Variants in GALNT13 observed in about 807,000 individuals in gnomAD.
GALNT13 encodes the protein UDP-GalNAc:polypeptide N-acetylgalactosaminyltransferase 13.
A neutral mutation model predicts 64.2 loss-of-function variants in GALNT13; 28 were observed. The observed-to-expected ratio is 0.44, with a 90% CI of 0.32 to 0.60. GALNT13 has a LOEUF of 0.60. Ranked by LOEUF, GALNT13 falls within the 20% of genes least tolerant of loss-of-function variation. The pLI, the probability that GALNT13 is intolerant of heterozygous loss-of-function variation, is 0.05. For synonymous variants in GALNT13, 214 were observed against 224.6 expected (o/e 0.95, Z 0.42); for missense variants, 577 against 669.8 (o/e 0.86, Z 1.53).
intron 4 of GALNT13, among the ~76,000 whole-genome samples, chr2:154,150,005 C>T (rs183810442): frequency 2.3e-3 from 345 of 152,168 alleles, no homozygotes; most frequent in South Asian, 5.6e-3. Context: ...TGTCTTGTGC[C>T]CGTTTTCAAA....
At chr2:153,943,396 T>G (rs936607238) in intron 2 of GALNT13, among the ~76,000 whole-genome samples, 1 of 152,228 alleles carries the variant, frequency 6.6e-6, no homozygotes, top group Non-Finnish European at 1.5e-5. Flanking sequence ...TTTTAGAGGC[T>G]GTGTAATTAT....
the GALNT13 span, among the ~76,000 whole-genome samples, chr2:153,387,742 C>A: frequency 6.6e-6 from 1 of 151,946 alleles, no homozygotes; most frequent in Non-Finnish European, 1.5e-5. Context: ...CTTTAAATTT[C>A]AATTATTCCC....
intron 9 of GALNT13, among the ~76,000 whole-genome samples, chr2:154,316,313 A>G (rs927376895): frequency 6.6e-6 from 1 of 152,196 alleles, no homozygotes; most frequent in Non-Finnish European, 1.5e-5. Context: ...TAACAAAAAC[A>G]GAGCAATACA....
chr2:153,353,964 T>A, the GALNT13 span, among the ~76,000 whole-genome samples: 4 of 152,182 alleles, frequency 2.6e-5, no homozygotes, highest in Non-Finnish European at 4.4e-5. Context: ...GAAAATGTAG[T>A]AGAAAATTGG....
the GALNT13 span, among the ~76,000 whole-genome samples, chr2:153,095,702 C>T: frequency 8.5e-5 from 13 of 152,094 alleles, no homozygotes; most frequent in African/African-American, 3.1e-4. Context: ...GAATACTATG[C>T]AGCCATTAAA....
At chr2:154,021,163 A>C (rs1057183789) in intron 3 of GALNT13, among the ~76,000 whole-genome samples, 7 of 152,168 alleles carry the variant, frequency 4.6e-5, no homozygotes, top group African/African-American at 1.4e-4. Context: ...CTTTTGGCTT[A>C]GGATTGACTT....
At chr2:154,389,663 T>C (rs962010935) in intron 9 of GALNT13, among the ~76,000 whole-genome samples, 7 of 152,282 alleles carry the variant, frequency 4.6e-5, no homozygotes, top group African/African-American at 1.7e-4. Flanking sequence ...CTAAGGCCCA[T>C]TGCTTGCCTC....
chr2:154,425,199 A>G (rs1700419886), intron 11 of GALNT13, among the ~76,000 whole-genome samples: 1 of 152,230 alleles, frequency 6.6e-6, no homozygotes, highest in Admixed American at 6.5e-5. Context: ...CCAGAGTTTT[A>G]GGAAGTGTCT....
chr2:154,158,257 C>T (rs986440944), intron 4 of GALNT13, among the ~76,000 whole-genome samples: 1 of 152,086 alleles, frequency 6.6e-6, no homozygotes, highest in Non-Finnish European at 1.5e-5. Context: ...GGAAGTTAAT[C>T]CTCTTAGAAA....
At chr2:153,644,972 A>G in the GALNT13 span, among the ~76,000 whole-genome samples, 1 of 152,088 alleles carries the variant, frequency 6.6e-6, no homozygotes, top group Non-Finnish European at 1.5e-5. Context: ...TGTTTTTACT[A>G]TTTCAACATT....
chr2:154,020,894 G>A (rs1329351431), intron 3 of GALNT13, among the ~76,000 whole-genome samples: 1 of 152,088 alleles, frequency 6.6e-6, no homozygotes, highest in African/African-American at 2.4e-5. Flanking sequence ...GTAAGGAAGA[G>A]ATCCAGTTTC....
At chr2:153,875,790 T>C (rs562502720) in intron 1 of GALNT13, among the ~76,000 whole-genome samples, 16 of 152,298 alleles carry the variant, frequency 1.1e-4, no homozygotes, top group East Asian at 7.7e-4. Flanking sequence ...ATGCTACATA[T>C]CTCTGTTAGG....
At chr2:153,936,909 G>A (rs1287525375) in intron 2 of GALNT13, among the ~76,000 whole-genome samples, 4 of 152,070 alleles carry the variant, frequency 2.6e-5, no homozygotes, top group South Asian at 4.1e-4. Flanking sequence ...TGTAGAGACG[G>A]GGTTTCACTG....
the GALNT13 span, among the ~76,000 whole-genome samples, chr2:153,649,858 A>G: frequency 2.0e-5 from 3 of 152,148 alleles, no homozygotes; most frequent in Non-Finnish European, 4.4e-5. Flanking sequence ...GTTCTTTTAC[A>G]TTTGCTGAGG....
At chr2:154,262,416 C>T (rs1267073063) in intron 8 of GALNT13, among the ~76,000 whole-genome samples, 1 of 152,192 alleles carries the variant, frequency 6.6e-6, no homozygotes, top group Non-Finnish European at 1.5e-5. Context: ...TTATCTTCCT[C>T]TTATAGGCTA....
chr2:153,885,558 T>G (rs1003723518), intron 1 of GALNT13, among the ~76,000 whole-genome samples: 1 of 152,086 alleles, frequency 6.6e-6, no homozygotes, highest in Non-Finnish European at 1.5e-5. Flanking sequence ...TTCAAAGCAC[T>G]GAGGAATAAT....
At chr2:153,786,772 C>T in the GALNT13 span, among the ~76,000 whole-genome samples, 1 of 152,084 alleles carries the variant, frequency 6.6e-6, no homozygotes, top group Non-Finnish European at 1.5e-5. Flanking sequence ...CTGCCACTGC[C>T]ACTGCAGTGG....
the GALNT13 span, among the ~76,000 whole-genome samples, chr2:153,696,460 A>AATAC: frequency 6.6e-6 from 1 of 152,176 alleles, no homozygotes. Context: ...ACCTGGGAAC[A>AATAC]ATACATTGTA....
chr2:153,863,641 A>T, the GALNT13 span, among the ~76,000 whole-genome samples: 1 of 152,194 alleles, frequency 6.6e-6, no homozygotes, highest in African/African-American at 2.4e-5. Flanking sequence ...AGTATTAGAT[A>T]CTTAAACATG....
Sources: gnomAD v4.1 joint callset for allele counts (sites outside exome capture counted in the v4.1 genomes callset) on GRCh38, gnomAD v4.1.1 for gene constraint, MANE v1.5 for transcripts, NCBI Gene and HGNC (gene_info 2026-07-23, HGNC 2026-07-21) for gene names.